Variants in CLRN1 observed in about 807,000 individuals in gnomAD.
The protein encoded by CLRN1 is clarin-1.
Under a neutral mutation model 18.7 loss-of-function variants are expected in CLRN1, and 15 were observed. The ratio of observed to expected loss-of-function variants is 0.80; its 90% CI spans 0.54 to 1.23. The LOEUF (loss-of-function observed/expected upper bound fraction) is 1.23. Ranked by LOEUF, CLRN1 falls within the 50% of genes most tolerant of loss-of-function variation. The pLI is 0.00. For synonymous variants in CLRN1, 104 were observed against 102.9 expected (o/e 1.01, Z -0.07); for missense variants, 311 against 277.5 (o/e 1.12, Z -0.86).
intron 1 of CLRN1, among the ~76,000 whole-genome samples, chr3:150,962,358 T>A (rs1205670146): frequency 1.3e-5 from 2 of 152,186 alleles, no homozygotes; most frequent in South Asian, 4.1e-4. Context: ...GACAGGCAAA[T>A]TTTTCAGTCT....
chr3:150,944,642 G>A (rs929544652), intron 1 of CLRN1, among the ~76,000 whole-genome samples: 16 of 151,800 alleles, frequency 1.1e-4, no homozygotes, highest in African/African-American at 3.9e-4. Context: ...AGTGGATCAC[G>A]AGGTCAGAAG....
intron 1 of CLRN1, chr3:150,943,898 C>T: frequency 6.2e-7 from 1 of 1,613,794 alleles, no homozygotes; most frequent in Non-Finnish European, 8.5e-7. Context: ...CACTCGTTCA[C>T]TCGTGTGCTC....
upstream of CLRN1, chr3:150,972,799 G>A (rs73155722): frequency 1.8e-3 from 2,812 of 1,576,714 alleles, 10 homozygotes; most frequent in Admixed American, 2.4e-3. Flanking sequence ...CATTTATTAC[G>A]GAAGCTGAAC....
At chr3:150,940,878 C>G (rs1444677299) in intron 2 of CLRN1, among the ~76,000 whole-genome samples, 2 of 152,158 alleles carry the variant, frequency 1.3e-5, no homozygotes, top group Non-Finnish European at 2.9e-5. Context: ...TAGAGTTTAT[C>G]CTTGCCCAGA....
chr3:150,931,478 T>C (rs1241761401), intron 2 of CLRN1, among the ~76,000 whole-genome samples: 2 of 152,176 alleles, frequency 1.3e-5, no homozygotes, highest in Non-Finnish European at 2.9e-5. Flanking sequence ...TAGTCCATAC[T>C]CCTGGGACCC....
At chr3:150,972,768 A>G (rs1456097480), upstream of CLRN1, 1 of 1,611,896 alleles carries the variant, frequency 6.2e-7, no homozygotes, top group Admixed American at 1.7e-5. Flanking sequence ...GAGCAATGGG[A>G]AGGGACTGCC....
At position 150,941,607 on chromosome 3, in the gene CLRN1, C is replaced by T; in HGVS notation, c.408G>A (p.Gly136=). The T allele has an allele frequency of 6.2e-7, 1 of 1,613,978 alleles. No individual in the cohort carries two copies. Among genetic ancestry groups the T allele is most frequent in the Non-Finnish European group, 8.5e-7 (1 of 1,179,926 alleles). Residue 136 remains glycine (G), a synonymous_variant, in exon 2 of 3, where the codon GGG becomes GGA. Transcript: ENST00000327047. ...CTGAAATGAAGCTCAAAAGGTACAGCCCTAGGGGACCATGCAGAGTTTCAA... is the reference window on the plus strand; with the variant it reads ...CTGAAATGAAGCTCAAAAGGTACAGTCCTAGGGGACCATGCAGAGTTTCAA... ...KPFETLHGPL[G]LYLLSFISGS...
At chr3:150,965,970 A>G (rs1357393082) in intron 1 of CLRN1, among the ~76,000 whole-genome samples, 1 of 152,232 alleles carries the variant, frequency 6.6e-6, no homozygotes, top group African/African-American at 2.4e-5. Context: ...CATTTTCTCC[A>G]TATTCCTCAC....
intron 2 of CLRN1, among the ~76,000 whole-genome samples, chr3:150,932,811 G>T (rs1052949943): frequency 1.3e-5 from 2 of 152,240 alleles, no homozygotes; most frequent in Non-Finnish European, 2.9e-5. Flanking sequence ...AAAAGGGACA[G>T]AGGGACAAGT....
In CLRN1 at chr3:150,940,817, A is replaced by C. The variant is rs16863091; in HGVS notation, c.433+765T>G. ...ACTGGGTTTTATATTCTTTTCCATC[A>C]GCCCTAGCTATTGAGTAGCACATGT... On this transcript the variant is annotated intron_variant, in intron 2 of 2. Coordinates refer to ENST00000327047, the MANE Select transcript of CLRN1 (RefSeq NM_174878.3). Among the ~76,000 whole-genome samples, 10,163 of 152,200 alleles carry C rather than the reference A, an allele frequency of 0.067. 845 individuals are homozygous for C. The highest frequency in any genetic ancestry group is 0.32 in the East Asian group (1,667 of 5,168).
Position 150,941,771 on chromosome 3 carries a change from A to G in CLRN1, c.254-10T>C. On this transcript the variant is annotated splice_polypyrimidine_tract_variant and intron_variant, in intron 1 of 2. Transcript: ENST00000327047. Reference sequence around the variant, plus strand: ...AGCAAATCTGGAAAAACTGAAGATAAGACAAAACTAGGGTTAGAAGAAGTT... The same window carrying G: ...AGCAAATCTGGAAAAACTGAAGATAGGACAAAACTAGGGTTAGAAGAAGTT... The G allele has an allele frequency of 6.2e-7, 1 of 1,613,254 alleles. No individual in the cohort carries two copies. The highest frequency in any genetic ancestry group is 1.3e-5 in the African/African-American group (1 of 75,030).
intron 1 of CLRN1, among the ~76,000 whole-genome samples, chr3:150,946,801 G>A (rs1012662015): frequency 6.7e-6 from 1 of 148,256 alleles, no homozygotes; most frequent in Non-Finnish European, 1.5e-5. Flanking sequence ...CATTGTGCAG[G>A]TTAGTTACAT....
chr3:150,957,920 C>G (rs1293370311), intron 1 of CLRN1, among the ~76,000 whole-genome samples: 2 of 152,180 alleles, frequency 1.3e-5, no homozygotes, highest in African/African-American at 4.8e-5. Context: ...TGCAGCCTCC[C>G]AAAGTGCTGG....
chr3:150,935,604 T>TA (rs1262930606), intron 2 of CLRN1, among the ~76,000 whole-genome samples: 29 of 149,834 alleles, frequency 1.9e-4, no homozygotes, highest in African/African-American at 6.9e-4. Flanking sequence ...GCAATAAACA[T>TA]ACATGTGCAT....
chr3:150,948,167 GAAGA>G (rs1714276319), intron 1 of CLRN1, among the ~76,000 whole-genome samples: 1 of 152,120 alleles, frequency 6.6e-6, no homozygotes, highest in Non-Finnish European at 1.5e-5. Context: ...ATAAAGAAGA[GAAGA>G]GAGAGGATTC....
intron 1 of CLRN1, among the ~76,000 whole-genome samples, chr3:150,947,234 C>A: frequency 6.6e-6 from 1 of 150,836 alleles, no homozygotes; most frequent in African/African-American, 2.4e-5. Flanking sequence ...AAACAGAAAA[C>A]AGAAAAAAGC....
At chr3:150,937,646 A>G (rs991714617) in intron 2 of CLRN1, among the ~76,000 whole-genome samples, 1 of 152,192 alleles carries the variant, frequency 6.6e-6, no homozygotes, top group African/African-American at 2.4e-5. Context: ...TCAATTTATA[A>G]ATGACAAGAT....
intron 2 of CLRN1, chr3:150,941,314 T>A (rs977747084): frequency 4.1e-5 from 14 of 341,400 alleles, no homozygotes; most frequent in Admixed American, 1.8e-4. Flanking sequence ...TGTAACTTTT[T>A]GAGACAAGCG....
intron 1 of CLRN1, among the ~76,000 whole-genome samples, chr3:150,948,739 C>T (rs988441510): frequency 2.0e-5 from 3 of 151,962 alleles, no homozygotes; most frequent in African/African-American, 7.3e-5. Flanking sequence ...CTAAAAAATC[C>T]CAGGACCTGA....
Sources: gnomAD v4.1 joint callset for allele counts (sites outside exome capture counted in the v4.1 genomes callset) on GRCh38, gnomAD v4.1.1 for gene constraint, MANE v1.5 for transcripts, NCBI Gene and HGNC (gene_info 2026-07-23, HGNC 2026-07-21) for gene names.